Variants in SAMD5 observed in about 807,000 individuals in gnomAD.
The protein encoded by SAMD5 is sterile alpha motif domain containing 5.
SAMD5 carries 13 observed loss-of-function variants against 11.3 expected under a neutral mutation model. That is an observed-to-expected ratio of 1.15 (90% confidence interval 0.75 to 1.83). The LOEUF (loss-of-function observed/expected upper bound fraction) is 1.83, where lower values mean the gene tolerates loss of function less well. Among genes scored for constraint, SAMD5 ranks in the 40% most tolerant of loss-of-function variants. SAMD5 has a pLI of 0.00. For synonymous variants in SAMD5, 129 were observed against 111.3 expected (o/e 1.16, Z -1.00); for missense variants, 255 against 239.1 (o/e 1.07, Z -0.44).
At chr6:147,647,642 C>T (rs1018546302) in intron 1 of SAMD5, among the ~76,000 whole-genome samples, 4 of 152,118 alleles carry the variant, frequency 2.6e-5, no homozygotes, top group African/African-American at 9.7e-5. Context: ...TATTAAGAAG[C>T]AGCACAAACA....
At chr6:147,893,636 A>G in the SAMD5 span, among the ~76,000 whole-genome samples, 105 of 152,310 alleles carry the variant, frequency 6.9e-4, no homozygotes, top group African/African-American at 2.4e-3. Context: ...TAAGCAGCAC[A>G]GGATCTATTG....
the SAMD5 span, among the ~76,000 whole-genome samples, chr6:147,909,018 G>A: frequency 5.9e-4 from 90 of 152,234 alleles, 1 homozygote; most frequent in Non-Finnish European, 1.0e-4. Flanking sequence ...AGACCAACCT[G>A]GGCAACATAG....
chr6:147,911,023 G>T, the SAMD5 span, among the ~76,000 whole-genome samples: 8 of 152,172 alleles, frequency 5.3e-5, no homozygotes, highest in Admixed American at 4.6e-4. Context: ...TACTATTTGA[G>T]ATCCTTTGAG....
At chr6:147,592,701 C>T (rs139518334) in intron 1 of SAMD5, among the ~76,000 whole-genome samples, 1 of 151,522 alleles carries the variant, frequency 6.6e-6, no homozygotes, top group Non-Finnish European at 1.5e-5. Flanking sequence ...ATTTCTATGC[C>T]TCAGTCTGCT....
chr6:147,792,227 A>G, the SAMD5 span, among the ~76,000 whole-genome samples: 1 of 152,214 alleles, frequency 6.6e-6, no homozygotes, highest in African/African-American at 2.4e-5. Context: ...GCTAAATGCA[A>G]AAGTAACTGT....
At chr6:147,701,994 T>A (rs1332688507) in intron 1 of SAMD5, among the ~76,000 whole-genome samples, 1 of 152,230 alleles carries the variant, frequency 6.6e-6, no homozygotes, top group Admixed American at 6.5e-5. Context: ...TGTATTAGTC[T>A]GTTCTCATGC....
intron 1 of SAMD5, among the ~76,000 whole-genome samples, chr6:147,617,654 G>T (rs1470253676): frequency 1.3e-5 from 2 of 152,212 alleles, no homozygotes; most frequent in African/African-American, 2.4e-5. Flanking sequence ...GCTTATGGGG[G>T]TCTCTTTCTC....
chr6:147,923,044 A>G, the SAMD5 span, among the ~76,000 whole-genome samples: 1 of 152,072 alleles, frequency 6.6e-6, no homozygotes, highest in Non-Finnish European at 1.5e-5. Context: ...CTGTTAAATC[A>G]CAGAGTAACG....
intron 1 of SAMD5, among the ~76,000 whole-genome samples, chr6:147,657,612 T>C (rs902160765): frequency 1.3e-5 from 2 of 152,168 alleles, no homozygotes; most frequent in Admixed American, 6.5e-5. Context: ...GCTTATAAAC[T>C]ACAGAAATTT....
the SAMD5 span, among the ~76,000 whole-genome samples, chr6:147,753,960 C>G: frequency 6.6e-6 from 1 of 152,158 alleles, no homozygotes; most frequent in Non-Finnish European, 1.5e-5. Context: ...CTGATGGACA[C>G]TCAGGATGCT....
At chr6:147,809,112 G>A in the SAMD5 span, among the ~76,000 whole-genome samples, 6 of 152,184 alleles carry the variant, frequency 3.9e-5, no homozygotes, top group South Asian at 2.1e-4. Context: ...TCACTGATCC[G>A]TCCTGGAGAC....
chr6:147,790,221 A>T, the SAMD5 span, among the ~76,000 whole-genome samples: 1 of 152,252 alleles, frequency 6.6e-6, no homozygotes, highest in Non-Finnish European at 1.5e-5. Context: ...TATACAATGG[A>T]ATATTATACA....
At chr6:147,620,980 G>T (rs1789952407) in intron 1 of SAMD5, among the ~76,000 whole-genome samples, 1 of 118,498 alleles carries the variant, frequency 8.4e-6, no homozygotes, top group Non-Finnish European at 1.9e-5. Flanking sequence ...GTGTGTGTGT[G>T]TGTGTGTGTG....
the SAMD5 span, among the ~76,000 whole-genome samples, chr6:147,917,513 T>C: frequency 2.0e-5 from 3 of 152,146 alleles, no homozygotes; most frequent in Non-Finnish European, 2.9e-5. Flanking sequence ...AGGTTGCCTG[T>C]TCACTCTGAT....
In SAMD5 at chr6:147,601,305, C is replaced by T. The variant is rs541856443; in HGVS notation, c.162+91918C>T. ...ATGAGTTTATAGATTATAAATGTAC[C>T]TTATTTGTACATACCCTGAACACCA... On this transcript the variant is annotated intron_variant, in intron 1 of 1. Transcript: ENST00000566741. 3.9e-5 allele frequency among the ~76,000 whole-genome samples: 6 copies of T among 151,928 alleles called. No individual in the cohort carries two copies. In the East Asian group the frequency reaches 9.7e-4, roughly 25 times the overall value.
At chr6:147,671,950 A>G (rs1022365561) in intron 1 of SAMD5, among the ~76,000 whole-genome samples, 4 of 129,670 alleles carry the variant, frequency 3.1e-5, no homozygotes, top group African/African-American at 1.2e-4. Flanking sequence ...GATGGATTTT[A>G]AAATCAACTT....
chr6:147,670,524 T>C, intron 1 of SAMD5, among the ~76,000 whole-genome samples: 1 of 152,226 alleles, frequency 6.6e-6, no homozygotes. Flanking sequence ...GTTTAGCTGC[T>C]TTCACCCATG....
At chr6:147,923,659 A>C in the SAMD5 span, among the ~76,000 whole-genome samples, 3 of 152,234 alleles carry the variant, frequency 2.0e-5, no homozygotes, top group Non-Finnish European at 2.9e-5. Flanking sequence ...ATTACTAGTC[A>C]AGATGCTTTC....
At chr6:147,686,669 C>A (rs1282026377) in intron 1 of SAMD5, among the ~76,000 whole-genome samples, 1 of 149,108 alleles carries the variant, frequency 6.7e-6, no homozygotes, top group Non-Finnish European at 1.5e-5. Context: ...ATTTTAATTC[C>A]TATAGCTTTT....
Sources: gnomAD v4.1 joint callset for allele counts (sites outside exome capture counted in the v4.1 genomes callset) on GRCh38, gnomAD v4.1.1 for gene constraint, MANE v1.5 for transcripts, NCBI Gene and HGNC (gene_info 2026-07-23, HGNC 2026-07-21) for gene names.